The following HDAC11 variants were observed in gnomAD, a reference collection of about 807,000 sequenced individuals.
HDAC11 encodes the protein histone deacetylase 11.
In HDAC11, 23 loss-of-function variants were observed where a neutral mutation model predicts 41.1. The observed-to-expected ratio is 0.56, with a 90% confidence interval of 0.40 to 0.79. The LOEUF is 0.79. Ranked by LOEUF, HDAC11 falls within the 30% of genes least tolerant of loss-of-function variation. The pLI is 0.00. For synonymous variants in HDAC11, 187 were observed against 186.6 expected (o/e 1.00, Z -0.02); for missense variants, 402 against 477.3 (o/e 0.84, Z 1.47).
intron 4 of HDAC11, among the ~76,000 whole-genome samples, 160 bp from the exon 5 acceptor site, chr3:13,498,353 G>A (rs1702202051): frequency 1.3e-5 from 2 of 152,194 alleles, no homozygotes; most frequent in Admixed American, 1.3e-4. Context: ...ACTGTTGCTT[G>A]GGGTAGGGAG....
At chr3:13,488,924 T>A (rs997253980) in intron 3 of HDAC11, among the ~76,000 whole-genome samples, 3 of 152,198 alleles carry the variant, frequency 2.0e-5, no homozygotes, top group Admixed American at 2.0e-4. Context: ...TTCTGGTGTT[T>A]TTTTTTTTCC....
rs1426230702 is a variant in HDAC11 at position 13,504,266 on chromosome 3, C to T, written c.822C>T (p.Ser274=). The T allele has an allele frequency of 6.2e-7, 1 of 1,613,220 alleles. No individual in the cohort carries two copies. The highest frequency in any genetic ancestry group is 1.1e-5 in the South Asian group (1 of 91,064). The change falls in exon 9 of 10, where the codon AGC becomes AGT. Residue 274 remains serine (S), a synonymous_variant. Coordinates refer to ENST00000295757, the MANE Select transcript of HDAC11 (RefSeq NM_024827.4). ...EGDRLGGLSI[S]PAGIVKRDEL... ...ACCGCCTTGGGGGGCTGTCCATCAG[C>T]CCAGCGGTACGTCCTGACCCTTGGG...
chr3:13,493,532 T>C (rs997786885), intron 3 of HDAC11, among the ~76,000 whole-genome samples: 2 of 152,216 alleles, frequency 1.3e-5, no homozygotes, highest in African/African-American at 4.8e-5. Context: ...GGAACCAAAC[T>C]TGAATTTTTA....
chr3:13,498,695 C>A, intron 5 of HDAC11, 140 bp downstream of exon 5: 2 of 939,370 alleles, frequency 2.1e-6, no homozygotes, highest in Non-Finnish European at 3.3e-6. Context: ...TCACCCTAGC[C>A]TCCTTGTGGA....
At chr3:13,497,479 C>A (rs1702153460) in intron 4 of HDAC11, among the ~76,000 whole-genome samples, 1 of 152,242 alleles carries the variant, frequency 6.6e-6, no homozygotes, top group South Asian at 2.1e-4. Context: ...CATGCCCAGC[C>A]CTAATGCACC....
chr3:13,494,215 A>G (rs1574902509), intron 3 of HDAC11, among the ~76,000 whole-genome samples: 1 of 152,212 alleles, frequency 6.6e-6, no homozygotes, highest in Admixed American at 6.5e-5. Context: ...ATTGTCTTCC[A>G]GTCTGTGTCC....
Position 13,483,457 on chromosome 3 carries a change from G to A in HDAC11, c.152-7G>A, listed in dbSNP as rs1701414471. On this transcript the variant is annotated splice_polypyrimidine_tract_variant and splice_region_variant and intron_variant, in intron 2 of 9. Transcript: ENST00000295757. ...GGGGAAGCAGGATGCTCCCTCTGTGGTTTCAGAAGAGAAGCTTCTGTCTGA... is the reference window on the plus strand; with the variant it reads ...GGGGAAGCAGGATGCTCCCTCTGTGATTTCAGAAGAGAAGCTTCTGTCTGA... 1 of 1,613,240 alleles carries A rather than the reference G, an allele frequency of 6.2e-7. No individual in the cohort carries two copies. Among genetic ancestry groups the A allele is most frequent in the Non-Finnish European group, 8.5e-7 (1 of 1,179,198 alleles).
At chr3:13,500,121 C>G (rs532450164) in intron 5 of HDAC11, among the ~76,000 whole-genome samples, 61 of 152,230 alleles carry the variant, frequency 4.0e-4, no homozygotes, top group African/African-American at 1.4e-3. Flanking sequence ...TCCATGGGGC[C>G]AGCTGCACAC....
Position 13,496,767 on chromosome 3 carries a change from TC to T in HDAC11, c.291del (p.Val98LeufsTer14). On this transcript the variant is annotated frameshift_variant, in exon 4 of 10. Transcript: ENST00000295757. LOFTEE classifies it high-confidence loss of function. Reference sequence around the variant, plus strand: ...TTTGCTGTTGCTACCATCACAGAAATCCCCCCCGTTATCTTCCTCCCCAACT... The same window carrying T: ...TTTGCTGTTGCTACCATCACAGAAATCCCCCCGTTATCTTCCTCCCCAACT... ...WSFAVATITEIPPVIFLPNFL... is the reference protein window; with the variant it reads ...WSFAVATITEXPPVIFLPNFL... 10 of 1,598,044 alleles carry T rather than the reference TC, an allele frequency of 6.3e-6. No homozygotes were observed. The highest frequency in any genetic ancestry group is 4.6e-5 in the East Asian group (2 of 43,054).
chr3:13,501,238 A>G (rs1035110822), intron 6 of HDAC11, among the ~76,000 whole-genome samples: 3 of 152,218 alleles, frequency 2.0e-5, no homozygotes, highest in African/African-American at 7.2e-5. Context: ...AGGTGAGGGC[A>G]TGCAAATAGC....
chr3:13,503,047 C>G, intron 8 of HDAC11, 67 bp downstream of exon 8: 1 of 1,231,814 alleles, frequency 8.1e-7, no homozygotes, highest in Non-Finnish European at 1.2e-6. Flanking sequence ...CTGAGTGTCT[C>G]CTGTCTGCTA....
At chr3:13,500,664 G>A (rs756118717) in intron 5 of HDAC11, 49 bp from the exon 6 acceptor site, 31 of 1,465,008 alleles carry the variant, frequency 2.1e-5, no homozygotes, top group Middle Eastern at 2.2e-4. Context: ...CTCCTGGACT[G>A]AGCCTGGGAG....
At chr3:13,487,072 T>G (rs1701629626) in intron 3 of HDAC11, among the ~76,000 whole-genome samples, 1 of 150,056 alleles carries the variant, frequency 6.7e-6, no homozygotes. Flanking sequence ...GTGGGAGGAG[T>G]GTATATGTTG....
At chr3:13,487,445 TA>T (rs1701649910) in intron 3 of HDAC11, among the ~76,000 whole-genome samples, 1 of 152,182 alleles carries the variant, frequency 6.6e-6, no homozygotes, top group South Asian at 2.1e-4. Context: ...TGATACTTAA[TA>T]AACAGGGCAC....
chr3:13,487,769 A>G (rs1468912307), intron 3 of HDAC11, among the ~76,000 whole-genome samples: 1 of 152,142 alleles, frequency 6.6e-6, no homozygotes, highest in African/African-American at 2.4e-5. Flanking sequence ...CAGGGATGGG[A>G]TGGAGCAAAA....
At chr3:13,493,768 T>C (rs576661815) in intron 3 of HDAC11, among the ~76,000 whole-genome samples, 1 of 152,182 alleles carries the variant, frequency 6.6e-6, no homozygotes, top group African/African-American at 2.4e-5. Context: ...ACACACATAC[T>C]TTCTCCTGTG....
chr3:13,499,622 C>T (rs755019650), intron 5 of HDAC11, among the ~76,000 whole-genome samples: 8 of 152,138 alleles, frequency 5.3e-5, no homozygotes, highest in Admixed American at 2.0e-4. Context: ...GGGGAGAGTC[C>T]ACCTTGGGCC....
In HDAC11 at chr3:13,480,732, C is replaced by A; in HGVS notation, c.2+383C>A. 2.1e-6 allele frequency: 1 copy of A among 486,286 alleles called. No individual in the cohort carries two copies. Among genetic ancestry groups the A allele is most frequent in the Non-Finnish European group, 4.2e-6 (1 of 238,714 alleles). The allele number at this position is 486,286 out of a possible 1,614,324, so 30.1% of individuals were successfully genotyped here. On this transcript the variant is annotated intron_variant, in intron 1 of 9. Coordinates refer to ENST00000295757, the MANE Select transcript of HDAC11 (RefSeq NM_024827.4). The surrounding 1 kb of genome is among the most constrained non-coding windows in gnomAD (Gnocchi z 4.6). ...AGGGTGTGATGGGAAGGGTTAGCAG[C>A]GCAGCGGGGTCAGGGGATCCCCGCC...
intron 6 of HDAC11, 74 bp downstream of exon 6, chr3:13,500,863 G>A: frequency 1.8e-6 from 2 of 1,136,564 alleles, no homozygotes; most frequent in South Asian, 1.6e-5. Context: ...CAAATTAACT[G>A]TTCTCACCCT....
Sources: gnomAD v4.1 joint callset for allele counts (sites outside exome capture counted in the v4.1 genomes callset) on GRCh38, gnomAD v4.1.1 for gene constraint, Gnocchi (gnomAD v3.1) non-coding constraint, MANE v1.5 for transcripts, NCBI Gene and HGNC (gene_info 2026-07-23, HGNC 2026-07-21) for gene names.